Variants in ADARB2 observed in about 807,000 individuals in gnomAD.
The protein encoded by ADARB2 is inactive double-stranded RNA-specific editase B2.
Under a neutral mutation model 62.2 loss-of-function variants are expected in ADARB2, and 25 were observed. The ratio of observed to expected loss-of-function variants is 0.40; its 90% CI spans 0.29 to 0.56. The LOEUF (loss-of-function observed/expected upper bound fraction) is 0.56, where lower values mean the gene tolerates loss of function less well. Among genes scored for constraint, ADARB2 ranks in the 20% least tolerant of loss-of-function variants. ADARB2 has a pLI of 0.43. For synonymous variants in ADARB2, 572 were observed against 500.8 expected, an observed-to-expected ratio of 1.14 and a Z score of -1.90; for missense variants, 1,071 against 1,077.4, an observed-to-expected ratio of 0.99 and a Z score of 0.08.
intron 2 of ADARB2, among the ~76,000 whole-genome samples, chr10:1,366,509 C>A (rs1298648387): frequency 6.6e-6 from 1 of 152,120 alleles, no homozygotes; most frequent in Non-Finnish European, 1.5e-5. Context: ...AGAACCTGGA[C>A]TTTGCTGCTT....
chr10:1,592,761 A>C (rs1564341219), intron 1 of ADARB2, among the ~76,000 whole-genome samples: 4 of 70,924 alleles, frequency 5.6e-5, no homozygotes, highest in South Asian at 5.1e-4. Context: ...ACCCAGATTC[A>C]CTCACCCAAG....
intron 1 of ADARB2, among the ~76,000 whole-genome samples, chr10:1,629,687 C>T (rs1193594687): frequency 2.6e-5 from 4 of 152,088 alleles, no homozygotes; most frequent in African/African-American, 9.6e-5. Context: ...TTCACAAACT[C>T]CCCCAAACTG....
At chr10:1,404,726 C>T (rs981407473) in intron 1 of ADARB2, among the ~76,000 whole-genome samples, 17 of 152,134 alleles carry the variant, frequency 1.1e-4, no homozygotes, top group Admixed American at 4.6e-4. Context: ...TCCGTTTGAC[C>T]GGCCAACAGT....
At chr10:1,372,831 G>A (rs973271246) in intron 2 of ADARB2, among the ~76,000 whole-genome samples, 7 of 152,270 alleles carry the variant, frequency 4.6e-5, no homozygotes, top group Admixed American at 1.3e-4. Context: ...TTAGAGCTGG[G>A]AGTAGGTCTG....
rs116930169 is a variant in ADARB2, at chr10:1,661,683, G to A, written c.100+75368C>T. ...CACCATGTGAGGGTCGGCATTCACCGAGCAGACAGGAACCAGCAGTCACAC... is the reference window on the plus strand; with the variant it reads ...CACCATGTGAGGGTCGGCATTCACCAAGCAGACAGGAACCAGCAGTCACAC... On this transcript the variant is annotated intron_variant, in intron 1 of 9. Transcript: ENST00000381312. Among the ~76,000 whole-genome samples the A allele has an allele frequency of 3.7e-3, 570 of 152,296 alleles. 5 individuals are homozygous for A. The highest frequency in any genetic ancestry group is 5.9e-3 in the Non-Finnish European group (401 of 68,016).
chr10:1,603,421 C>T (rs996317480), intron 1 of ADARB2, among the ~76,000 whole-genome samples: 3 of 152,176 alleles, frequency 2.0e-5, no homozygotes, highest in African/African-American at 7.2e-5. Context: ...GCCAGCCCTG[C>T]TACCTGGACA....
chr10:1,414,421 G>T (rs1832784938), intron 1 of ADARB2, among the ~76,000 whole-genome samples: 1 of 152,312 alleles, frequency 6.6e-6, no homozygotes, highest in Non-Finnish European at 1.5e-5. Flanking sequence ...ATCCCTCGTG[G>T]CTTGGATAGA....
At chr10:1,679,317 C>T (rs1450343940) in intron 1 of ADARB2, among the ~76,000 whole-genome samples, 3 of 152,006 alleles carry the variant, frequency 2.0e-5, no homozygotes, top group Admixed American at 2.0e-4. Flanking sequence ...ATGTGGGCAC[C>T]CTATTTAGAG....
intron 1 of ADARB2, among the ~76,000 whole-genome samples, chr10:1,567,950 G>A (rs754559606): frequency 4.6e-5 from 7 of 152,202 alleles, no homozygotes; most frequent in Non-Finnish European, 7.3e-5. Flanking sequence ...CAGAGACACC[G>A]TTGATGGCAC....
chr10:1,550,277 T>C (rs1276790466), intron 1 of ADARB2, among the ~76,000 whole-genome samples: 1 of 152,220 alleles, frequency 6.6e-6, no homozygotes, highest in Non-Finnish European at 1.5e-5. Flanking sequence ...TCCTTGTTGC[T>C]TTATTCTCCC....
chr10:1,571,577 C>A (rs1380598946), intron 1 of ADARB2, among the ~76,000 whole-genome samples: 1 of 152,240 alleles, frequency 6.6e-6, no homozygotes, highest in African/African-American at 2.4e-5. Flanking sequence ...GGTATCAGGA[C>A]TCCCTCTTTC....
chr10:1,415,982 T>C (rs1832798127), intron 1 of ADARB2, among the ~76,000 whole-genome samples: 1 of 152,206 alleles, frequency 6.6e-6, no homozygotes, highest in South Asian at 2.1e-4. Context: ...ACTGGGTGAA[T>C]ATCTCTAGAC....
chr10:1,504,391 G>A (rs1443801466), intron 1 of ADARB2, among the ~76,000 whole-genome samples: 1 of 152,172 alleles, frequency 6.6e-6, no homozygotes, highest in Non-Finnish European at 1.5e-5. Context: ...CCTCTTTAAT[G>A]GGAAATAATG....
At chr10:1,373,463 G>T (rs1003341335) in intron 2 of ADARB2, among the ~76,000 whole-genome samples, 4 of 152,154 alleles carry the variant, frequency 2.6e-5, no homozygotes, top group Non-Finnish European at 5.9e-5. Context: ...AACATAACCA[G>T]TGCGTGTACG....
At chr10:1,603,553 T>C (rs2132016319) in intron 1 of ADARB2, among the ~76,000 whole-genome samples, 1 of 152,090 alleles carries the variant, frequency 6.6e-6, no homozygotes, top group Non-Finnish European at 1.5e-5. Context: ...AAGGCCTGAG[T>C]GTCACCGAGA....
chr10:1,649,315 T>C (rs1416775701), intron 1 of ADARB2, among the ~76,000 whole-genome samples: 1 of 152,220 alleles, frequency 6.6e-6, no homozygotes, highest in Non-Finnish European at 1.5e-5. Flanking sequence ...AAGGGAATTT[T>C]CAAAGTCCCT....
chr10:1,393,126 C>T (rs1400551665), intron 1 of ADARB2, among the ~76,000 whole-genome samples: 3 of 152,196 alleles, frequency 2.0e-5, no homozygotes, highest in African/African-American at 7.2e-5. Context: ...CAACTAGTCG[C>T]ACAGCCAAAT....
chr10:1,337,843 G>A (rs1281590443), intron 3 of ADARB2, among the ~76,000 whole-genome samples: 5 of 152,224 alleles, frequency 3.3e-5, no homozygotes, highest in Admixed American at 2.0e-4. Flanking sequence ...AAAAGGGGGT[G>A]CCATTAATTC....
chr10:1,582,909 G>A (rs1026738979), intron 1 of ADARB2, among the ~76,000 whole-genome samples: 3 of 152,220 alleles, frequency 2.0e-5, no homozygotes, highest in Non-Finnish European at 2.9e-5. Flanking sequence ...CAGCTCTGAT[G>A]AGCGTGTTAA....
Sources: allele counts gnomAD v4.1 joint callset (sites outside exome capture counted in the v4.1 genomes callset), GRCh38; gene constraint gnomAD v4.1.1; transcripts MANE v1.5; gene names NCBI Gene and HGNC (gene_info 2026-07-23, HGNC 2026-07-21).